Variants in ZNF365 observed in about 807,000 individuals in gnomAD.
ZNF365 encodes protein ZNF365.
ZNF365 carries 22 observed loss-of-function variants against 35.0 expected under a neutral mutation model. The observed-to-expected ratio is 0.63, with a 90% confidence interval of 0.45 to 0.90. ZNF365 has a LOEUF of 0.90. Among genes scored for constraint, ZNF365 ranks in the 40% least tolerant of loss-of-function variants. The pLI is 0.00. For synonymous variants in ZNF365, 188 were observed against 196.2 expected (o/e 0.96, Z 0.35); for missense variants, 448 against 500.3 (o/e 0.90, Z 1.00).
chr10:62,466,233 C>T (rs1840941438), intron 4 of ZNF365, among the ~76,000 whole-genome samples: 1 of 152,338 alleles, frequency 6.6e-6, no homozygotes, highest in South Asian at 2.1e-4. Context: ...CATCTCCAAG[C>T]TTTCAGGTGC....
At chr10:62,475,186 T>C (rs1841108386) in intron 4 of ZNF365, among the ~76,000 whole-genome samples, 1 of 152,202 alleles carries the variant, frequency 6.6e-6, no homozygotes, top group Admixed American at 6.5e-5. Flanking sequence ...CATCACTTAA[T>C]TCCTCACAAT....
chr10:62,469,750 T>C (rs1564602229), intron 4 of ZNF365, among the ~76,000 whole-genome samples: 1 of 152,172 alleles, frequency 6.6e-6, no homozygotes, highest in Non-Finnish European at 1.5e-5. Context: ...TTATAGAAAC[T>C]ATCTCACTTA....
intron 3 of ZNF365, among the ~76,000 whole-genome samples, chr10:62,422,769 C>A (rs1840191846): frequency 6.6e-6 from 1 of 152,142 alleles, no homozygotes; most frequent in Non-Finnish European, 1.5e-5. Context: ...ATCTCATCCA[C>A]CAAACCTTAC....
chr10:62,444,626 A>G (rs560104141), intron 3 of ZNF365, among the ~76,000 whole-genome samples: 17 of 152,050 alleles, frequency 1.1e-4, no homozygotes, highest in Admixed American at 6.5e-4. Flanking sequence ...AATCACCTGG[A>G]ATGAATTCTT....
intron 3 of ZNF365, among the ~76,000 whole-genome samples, chr10:62,453,074 C>T (rs1840708522): frequency 6.6e-6 from 1 of 152,066 alleles, no homozygotes; most frequent in African/African-American, 2.4e-5. Context: ...ATTTATCCAG[C>T]CTATTTGGTA....
At chr10:62,459,413 G>T (rs942775856) in intron 3 of ZNF365, among the ~76,000 whole-genome samples, 1 of 152,192 alleles carries the variant, frequency 6.6e-6, no homozygotes, top group Non-Finnish European at 1.5e-5. Flanking sequence ...AGGGGGAGAC[G>T]ATGGAAAATT....
intron 3 of ZNF365, among the ~76,000 whole-genome samples, chr10:62,428,472 CT>C (rs1048981635): frequency 3.9e-5 from 6 of 152,198 alleles, no homozygotes; most frequent in Non-Finnish European, 8.8e-5. Flanking sequence ...CAATCTTCTC[CT>C]TCCTGCTGCC....
chr10:62,479,797 C>T, intron 4 of ZNF365: 1 of 1,024,988 alleles, frequency 9.8e-7, no homozygotes, highest in Non-Finnish European at 1.5e-6. Context: ...GTTGAAACCA[C>T]TTCTTTTTTT....
downstream of ZNF365, among the ~76,000 whole-genome samples, chr10:62,407,191 C>T (rs117879220): frequency 0.039 from 5,898 of 152,210 alleles, 146 homozygotes; most frequent in Non-Finnish European, 0.057. Flanking sequence ...CAAAAATAAA[C>T]CAAGCTGGCA....
chr10:62,448,473 C>T (rs977430746), intron 3 of ZNF365, among the ~76,000 whole-genome samples: 17 of 152,170 alleles, frequency 1.1e-4, no homozygotes, highest in Admixed American at 7.9e-4. Flanking sequence ...GAAAGTATTG[C>T]AGTCACTTTG....
chr10:62,455,851 G>A (rs1840753791), intron 3 of ZNF365, among the ~76,000 whole-genome samples: 1 of 152,136 alleles, frequency 6.6e-6, no homozygotes, highest in Admixed American at 6.5e-5. Context: ...ACTTACCCAA[G>A]GTTCAGTAAC....
exon 5 of ZNF365, chr10:62,480,020 T>C (rs1841197280): frequency 1.4e-6 from 2 of 1,478,570 alleles, no homozygotes; most frequent in South Asian, 1.3e-5. Flanking sequence ...CTCCAGGAAC[T>C]TTACAAGAAA....
intron 4 of ZNF365, among the ~76,000 whole-genome samples, chr10:62,475,736 G>A (rs1010667171): frequency 6.6e-6 from 1 of 152,176 alleles, no homozygotes; most frequent in African/African-American, 2.4e-5. Flanking sequence ...TGGCCCCGAG[G>A]GCACCATGGC....
downstream of ZNF365, among the ~76,000 whole-genome samples, chr10:62,403,263 A>G (rs1427967334): frequency 2.0e-5 from 3 of 152,244 alleles, no homozygotes; most frequent in Non-Finnish European, 4.4e-5. Context: ...GTGGATCATC[A>G]TAGAGGACTT....
chr10:62,444,622 C>T (rs1056582976), intron 3 of ZNF365, among the ~76,000 whole-genome samples: 1 of 152,062 alleles, frequency 6.6e-6, no homozygotes, highest in African/African-American at 2.4e-5. Context: ...TTCAAATCAC[C>T]TGGAATGAAT....
intron 4 of ZNF365, among the ~76,000 whole-genome samples, chr10:62,462,956 G>T (rs972041185): frequency 6.6e-6 from 1 of 152,196 alleles, no homozygotes; most frequent in Non-Finnish European, 1.5e-5. Context: ...GTGAGCTCAT[G>T]TCAGCAGTGG....
At chr10:62,440,938 G>A (rs1840490165) in intron 3 of ZNF365, among the ~76,000 whole-genome samples, 1 of 152,156 alleles carries the variant, frequency 6.6e-6, no homozygotes, top group African/African-American at 2.4e-5. Context: ...TTTATGTGAT[G>A]AGGCAAATAT....
chr10:62,447,889 G>C (rs1489875353), intron 3 of ZNF365, among the ~76,000 whole-genome samples: 11 of 152,184 alleles, frequency 7.2e-5, no homozygotes, highest in Admixed American at 7.2e-4. Context: ...CACTGGGTAA[G>C]GGACCCAAGC....
chr10:62,459,770 G>T (rs1255805482), exon 4 of ZNF365: 4 of 1,610,998 alleles, frequency 2.5e-6, no homozygotes, highest in African/African-American at 2.7e-5. Context: ...AAGCTCGCCT[G>T]GTGTGCCAAA....
Sources: gnomAD v4.1 joint callset for allele counts (sites outside exome capture counted in the v4.1 genomes callset) on GRCh38, gnomAD v4.1.1 for gene constraint, MANE v1.5 for transcripts, NCBI Gene and HGNC (gene_info 2026-07-23, HGNC 2026-07-21) for gene names.